The following PCNT variants were observed in gnomAD, a reference collection of about 807,000 sequenced individuals.
PCNT encodes pericentrin.
A neutral mutation model predicts 380.4 loss-of-function variants in PCNT; 319 were observed. The ratio of observed to expected loss-of-function variants is 0.84; its 90% CI spans 0.77 to 0.92. The LOEUF is 0.92. Among genes scored for constraint, PCNT ranks in the 40% least tolerant of loss-of-function variants. PCNT has a pLI of 0.00. For synonymous variants in PCNT, 1,845 were observed against 1,735.2 expected, an observed-to-expected ratio of 1.06 and a Z score of -1.57; for missense variants, 4,400 against 4,255.3, an observed-to-expected ratio of 1.03 and a Z score of -0.95.
At chr21:46,325,605 TATC>T (rs370871240) in intron 1 of PCNT, among the ~76,000 whole-genome samples, 12 of 152,244 alleles carry the variant, frequency 7.9e-5, no homozygotes, top group Non-Finnish European at 7.3e-5. Context: ...GTACTTGTGT[TATC>T]ATTTACACAA....
chr21:46,388,643 C>T lies in PCNT; in HGVS notation c.3465-99C>T, dbSNP rs1448094732. The T allele has an allele frequency of 1.5e-5, 22 of 1,465,398 alleles. No individual in the cohort carries two copies. Among genetic ancestry groups the T allele is most frequent in the Middle Eastern group, 1.9e-4 (1 of 5,360 alleles). 90.8% of individuals were successfully genotyped at this position (1,465,398 alleles called of 1,614,324 possible). On this transcript the variant is annotated intron_variant, in intron 17 of 46. Transcript: ENST00000359568. This position sits in a 1 kb window ranked among gnomAD's most constrained non-coding sequence, Gnocchi z 4.2. ...CCCGTGGGGACAGGCAGCCGTGGGCCGAGGTGTGCAAACTGGTGGGCGGCC... is the reference window on the plus strand; with the variant it reads ...CCCGTGGGGACAGGCAGCCGTGGGCTGAGGTGTGCAAACTGGTGGGCGGCC...
Position 46,397,353 on chromosome 21 carries a change from G to A in PCNT, c.4305G>A (p.Gln1435=), listed in dbSNP as rs971370797. ...AEKDRSALLS[Q]MKILESELEE... ...AGGACCGCTCAGCCCTGCTCTCCCA[G>A]ATGAAGATTTTGGAGTCTGAGTTAG... Residue 1435 remains glutamine (Q), a synonymous_variant, in exon 22 of 47, where the codon CAG becomes CAA. Transcript: ENST00000359568. 19 of 1,614,030 alleles carry A rather than the reference G, an allele frequency of 1.2e-5. No individual in the cohort carries two copies. The highest frequency in any genetic ancestry group is 1.5e-5 in the Non-Finnish European group (18 of 1,180,030).
At chr21:46,370,375 G>T (rs978306991) in intron 15 of PCNT, among the ~76,000 whole-genome samples, 1 of 151,922 alleles carries the variant, frequency 6.6e-6, no homozygotes, top group East Asian at 1.9e-4. Context: ...AAGTGGAGGC[G>T]ATTCAGAGCC....
At chr21:46,426,038 C>T in intron 33 of PCNT, 67 bp downstream of exon 33, 1 of 1,374,992 alleles carries the variant, frequency 7.3e-7, no homozygotes, top group Non-Finnish European at 1.0e-6. Flanking sequence ...TGGCCGCGTC[C>T]TTAGGGCCAC....
intron 31 of PCNT, 26 bp from the exon 32 acceptor site, chr21:46,421,944 G>C (rs1242553854): frequency 1.6e-5 from 26 of 1,612,528 alleles, no homozygotes; most frequent in Non-Finnish European, 2.2e-5. Context: ...GCTGTGGGTG[G>C]GACCCTGACC....
intron 9 of PCNT, among the ~76,000 whole-genome samples, chr21:46,352,165 C>T (rs899310986): frequency 2.0e-5 from 3 of 152,228 alleles, no homozygotes; most frequent in African/African-American, 7.2e-5. Context: ...CTGCGTGTCT[C>T]CTGGCATTCA....
rs574616742 is a variant in PCNT, at chr21:46,334,228, G to A, written c.268-169G>A. ...TCAAAAAAAAAAAAAAAAATGTTTAGAGCTTGGGAATTGTTAATGCGGAAG... is the reference window on the plus strand; with the variant it reads ...TCAAAAAAAAAAAAAAAAATGTTTAAAGCTTGGGAATTGTTAATGCGGAAG... On this transcript the variant is annotated intron_variant, in intron 2 of 46. Coordinates refer to ENST00000359568, the MANE Select transcript of PCNT (RefSeq NM_006031.6). 6.6e-4 allele frequency among the ~76,000 whole-genome samples: 100 copies of A among 151,868 alleles called. 1 individual carries two copies. Among genetic ancestry groups the A allele is most frequent in the African/African-American group, 2.4e-3 (98 of 41,374 alleles).
rs577796795 is a variant in PCNT at position 46,351,137 on chromosome 21, C to T, written c.1345-292C>T. ...GGAGGTGCACAAGATGAAACTGCACCGCTGCGGCCGGCATGGAACCTGGCC... is the reference window on the plus strand; with the variant it reads ...GGAGGTGCACAAGATGAAACTGCACTGCTGCGGCCGGCATGGAACCTGGCC... On this transcript the variant is annotated intron_variant, in intron 8 of 46. Transcript: ENST00000359568. 5.0e-3 allele frequency among the ~76,000 whole-genome samples: 757 copies of T among 152,260 alleles called. 4 individuals carry two copies. The highest frequency in any genetic ancestry group is 0.017 in the Middle Eastern group (5 of 294).
At chr21:46,330,196 C>T (rs923442570) in intron 2 of PCNT, among the ~76,000 whole-genome samples, 1 of 152,018 alleles carries the variant, frequency 6.6e-6, no homozygotes, top group African/African-American at 2.4e-5. Flanking sequence ...TGGCTCATTC[C>T]AGCCTTGACC....
rs142985569 is a variant in PCNT, at chr21:46,331,442, T to A, written c.268-2955T>A. ...TATTCAGGATTCGGCTCTGTTGCCT[T>A]ACAATTTGTTAAGTGCATGATGGAA... is the stretch of plus-strand genomic sequence containing the variant. On this transcript the variant is annotated intron_variant, in intron 2 of 46. Transcript: ENST00000359568. Among the ~76,000 whole-genome samples the A allele has an allele frequency of 2.8e-3, 421 of 152,328 alleles. 1 individual carries two copies. The highest frequency in any genetic ancestry group is 4.4e-3 in the Non-Finnish European group (302 of 68,036).
At chr21:46,365,121 T>C (rs1206580738) in intron 14 of PCNT, among the ~76,000 whole-genome samples, 1 of 152,082 alleles carries the variant, frequency 6.6e-6, no homozygotes, top group African/African-American at 2.4e-5. Flanking sequence ...TCTATTCACT[T>C]CCATGGGGTT....
At chr21:46,383,483 A>G (rs1176089483) in intron 16 of PCNT, among the ~76,000 whole-genome samples, 52 of 123,834 alleles carry the variant, frequency 4.2e-4, no homozygotes, top group Middle Eastern at 7.9e-3. Flanking sequence ...ACAGTGTTGT[A>G]TATTCAGTGG....
chr21:46,377,278 C>T (rs1014134340), intron 15 of PCNT, among the ~76,000 whole-genome samples: 3 of 152,230 alleles, frequency 2.0e-5, no homozygotes, highest in East Asian at 3.8e-4. Context: ...GCAATCCACC[C>T]CAGATGTTCT....
rs975741864 is a variant in PCNT, at chr21:46,381,833, T to G, written c.3305T>G (p.Val1102Gly). Residue 1102 changes from valine (V) to glycine (G), a missense_variant, in exon 16 of 47, where the codon GTC becomes GGC. Coordinates refer to ENST00000359568, the MANE Select transcript of PCNT (RefSeq NM_006031.6). ...SLQLQKKNHQ[V>G]QQLKDQVLSL... is the part of the protein sequence containing the mutation. ...CAGCTTCAAAAGAAGAATCACCAAG[T>G]CCAGCAGGTGTGTGGAATACGCTGT... is the stretch of plus-strand genomic sequence containing the variant. The G allele has an allele frequency of 6.2e-7, 1 of 1,614,058 alleles. No homozygotes were observed. The highest frequency in any genetic ancestry group is 1.3e-5 in the African/African-American group (1 of 74,948).
chr21:46,353,733 TGTGTGTGTGTGTGTGTGTGA>T (rs1220668495), intron 10 of PCNT, among the ~76,000 whole-genome samples: 7 of 135,428 alleles, frequency 5.2e-5, no homozygotes, highest in African/African-American at 1.6e-4. Flanking sequence ...TGTGTGTGTG[TGTGTGTGTGTGTGTGTGTGA>T]GAGAGACAGA....
chr21:46,334,292 T>C, intron 2 of PCNT, 105 bp from the exon 3 acceptor site: 1 of 1,511,452 alleles, frequency 6.6e-7, no homozygotes, highest in Non-Finnish European at 9.2e-7. Flanking sequence ...CTCTACTTGT[T>C]AAATGAAGTC....
At chr21:46,336,303 C>T (rs1206910071) in intron 3 of PCNT, among the ~76,000 whole-genome samples, 1 of 152,180 alleles carries the variant, frequency 6.6e-6, no homozygotes, top group Non-Finnish European at 1.5e-5. Context: ...TGCATTATTG[C>T]AGGAAAGATC....
In PCNT at chr21:46,425,269, G is replaced by A. The variant is rs769582648; in HGVS notation, c.7180-562G>A. Among the ~76,000 whole-genome samples, 4 of 152,204 alleles carry A rather than the reference G, an allele frequency of 2.6e-5. No homozygotes were observed. The highest frequency in any genetic ancestry group is 4.8e-5 in the African/African-American group (2 of 41,450). ...ATCGGTGGGATAAAGCAGCCGCCTC[G>A]TGTTCACAGACCTGTGGGCAGGGCC... On this transcript the variant is annotated intron_variant, in intron 32 of 46. Coordinates refer to ENST00000359568, the MANE Select transcript of PCNT (RefSeq NM_006031.6). This position sits in a 1 kb window ranked among gnomAD's most constrained non-coding sequence, Gnocchi z 4.2.
rs756004600 is a variant in PCNT at position 46,389,247 on chromosome 21, A to G, written c.3656A>G (p.Asp1219Gly). The G allele has an allele frequency of 1.9e-6, 3 of 1,614,196 alleles. No homozygotes were observed. Among genetic ancestry groups the G allele is most frequent in the South Asian group, 2.2e-5 (2 of 91,084 alleles). ...TWSDVALPEL[D>G]RTLSECAEMS... Reference sequence around the variant, plus strand: ...TCTGATGTGGCCCTCCCGGAGTTGGACAGAACTTTGTCTGAATGTGCAGAG... The same window carrying G: ...TCTGATGTGGCCCTCCCGGAGTTGGGCAGAACTTTGTCTGAATGTGCAGAG... Residue 1219 changes from aspartate to glycine, a missense_variant, in exon 19 of 47, where the codon GAC becomes GGC. Asp to Gly is a moderately conservative substitution (Grantham distance 94). Coordinates refer to ENST00000359568, the MANE Select transcript of PCNT (RefSeq NM_006031.6).
Sources: allele counts gnomAD v4.1 joint callset (sites outside exome capture counted in the v4.1 genomes callset), GRCh38; gene constraint gnomAD v4.1.1; non-coding constraint Gnocchi (gnomAD v3.1); transcripts MANE v1.5; gene names NCBI Gene and HGNC (gene_info 2026-07-23, HGNC 2026-07-21).